PEX14: variants seen among roughly 807,000 people sequenced by gnomAD.
PEX14 encodes peroxisomal membrane protein PEX14.
A neutral mutation model predicts 49.5 loss-of-function variants in PEX14; 15 were observed. The ratio of observed to expected loss-of-function variants is 0.30; its 90% confidence interval spans 0.20 to 0.47. PEX14 has a LOEUF of 0.47. Ranked by LOEUF, PEX14 falls within the 20% of genes least tolerant of loss-of-function variation. PEX14 has a pLI of 1.00. For synonymous variants in PEX14, 210 were observed against 212.7 expected (o/e 0.99, Z 0.11); for missense variants, 398 against 494.8 (o/e 0.80, Z 1.86).
At chr1:10,479,908 G>C (rs1012532201) in intron 1 of PEX14, among the ~76,000 whole-genome samples, 1 of 152,196 alleles carries the variant, frequency 6.6e-6, no homozygotes, top group African/African-American at 2.4e-5. Context: ...GAGGCTGGAG[G>C]ATTGCTTGAG....
At chr1:10,608,489 C>T (rs183050503) in intron 4 of PEX14, among the ~76,000 whole-genome samples, 15 of 152,072 alleles carry the variant, frequency 9.9e-5, no homozygotes, top group African/African-American at 2.4e-4. Flanking sequence ...TGGTGAAACC[C>T]GGTCTCTACT....
chr1:10,477,796 T>C (rs535219960), intron 1 of PEX14, among the ~76,000 whole-genome samples: 1 of 152,340 alleles, frequency 6.6e-6, no homozygotes, highest in Non-Finnish European at 1.5e-5. Flanking sequence ...CAGATCTACT[T>C]AATTTTTCTA....
chr1:10,576,759 C>CT (rs374589674), intron 3 of PEX14, among the ~76,000 whole-genome samples: 37,983 of 139,526 alleles, frequency 0.27, 5,495 homozygotes, highest in Non-Finnish European at 0.33. Flanking sequence ...AATTGCTGTA[C>CT]TTTTTTTTTT....
chr1:10,630,354 G>C lies in PEX14; in HGVS notation c.*367G>C, dbSNP rs1000280519. The C allele has an allele frequency of 6.1e-6, 2 of 326,230 alleles. No individual in the cohort carries two copies. Among genetic ancestry groups the C allele is most frequent in the Non-Finnish European group, 1.2e-5 (2 of 172,986 alleles). The allele number at this position is 326,230 out of a possible 1,614,324, so 20.2% of individuals were successfully genotyped here. ...AGTGTCTTGACTACCGTGACACCAC[G>C]CATGGCCAGAGCTAGCGTCCCTACT... On this transcript the variant is annotated 3_prime_UTR_variant, in exon 9 of 9. Transcript: ENST00000356607. The surrounding 1 kb of genome is among the most constrained non-coding windows in gnomAD (Gnocchi z 4.1).
In PEX14 at chr1:10,565,986, C is replaced by T. The variant is rs557342015; in HGVS notation, c.169+29689C>T. 3.3e-5 allele frequency among the ~76,000 whole-genome samples: 5 copies of T among 152,336 alleles called. No homozygotes were observed. In the South Asian group the frequency reaches 8.3e-4, roughly 25 times the overall value. ...ATTTATTTACATGTCTGTCTATTTACTTACATCTCTCTAGTCCATCTGAAG... is the reference window on the plus strand; with the variant it reads ...ATTTATTTACATGTCTGTCTATTTATTTACATCTCTCTAGTCCATCTGAAG... On this transcript the variant is annotated intron_variant, in intron 3 of 8. Transcript: ENST00000356607.
chr1:10,606,227 T>C (rs1470989786), intron 4 of PEX14, among the ~76,000 whole-genome samples: 1 of 152,238 alleles, frequency 6.6e-6, no homozygotes, highest in African/African-American at 2.4e-5. Context: ...CTCACTGCTC[T>C]GCATTCCTGA....
chr1:10,550,782 A>C (rs995781767), intron 3 of PEX14, among the ~76,000 whole-genome samples: 2 of 152,380 alleles, frequency 1.3e-5, no homozygotes, highest in East Asian at 3.9e-4. Context: ...TTCAGGGTGT[A>C]GTCTGCGCCT....
chr1:10,482,301 G>A (rs1641294739), intron 1 of PEX14, among the ~76,000 whole-genome samples: 1 of 151,680 alleles, frequency 6.6e-6, no homozygotes, highest in Admixed American at 6.6e-5. Flanking sequence ...GCTAATTTTT[G>A]TGTTTTTAGT....
In PEX14 at chr1:10,598,393, G is replaced by A. The variant is rs1251928659; in HGVS notation, c.170-845G>A. ...CAGTGTCCCAAATTGGCTCAGACCC[G>A]GTGGAAATATCCCAGCTGTGTCCCC... On this transcript the variant is annotated intron_variant, in intron 3 of 8. Transcript: ENST00000356607. Among the ~76,000 whole-genome samples, 5 of 152,168 alleles carry A rather than the reference G, an allele frequency of 3.3e-5. No homozygotes were observed. In the East Asian group the frequency reaches 9.6e-4, roughly 29 times the overall value.
chr1:10,551,019 G>A (rs1016412099), intron 3 of PEX14, among the ~76,000 whole-genome samples: 2 of 152,128 alleles, frequency 1.3e-5, no homozygotes, highest in Non-Finnish European at 2.9e-5. Flanking sequence ...TGGCTCTAAA[G>A]TAAATGCCGT....
At chr1:10,595,194 T>A (rs2124595656) in intron 3 of PEX14, among the ~76,000 whole-genome samples, 1 of 152,322 alleles carries the variant, frequency 6.6e-6, no homozygotes, top group South Asian at 2.1e-4. Flanking sequence ...GCACATGGAA[T>A]CTTCATTCAA....
intron 4 of PEX14, among the ~76,000 whole-genome samples, chr1:10,608,141 T>C (rs1482600149): frequency 6.6e-6 from 1 of 152,128 alleles, no homozygotes; most frequent in East Asian, 1.9e-4. Context: ...CTAATTATTG[T>C]ATTTTGTGGA....
chr1:10,587,133 A>G (rs2124581019), intron 3 of PEX14, among the ~76,000 whole-genome samples: 1 of 152,224 alleles, frequency 6.6e-6, no homozygotes, highest in East Asian at 1.9e-4. Context: ...GCTTTTCTGT[A>G]TATATTCAAT....
chr1:10,593,749 AT>A (rs572763098), intron 3 of PEX14, among the ~76,000 whole-genome samples: 1 of 151,962 alleles, frequency 6.6e-6, no homozygotes, highest in Non-Finnish European at 1.5e-5. Context: ...GATATATAAT[AT>A]TTTTTTTGTT....
chr1:10,593,697 AG>A (rs1316933917), intron 3 of PEX14, among the ~76,000 whole-genome samples: 2 of 93,740 alleles, frequency 2.1e-5, no homozygotes, highest in African/African-American at 4.1e-5. Context: ...GGGCTGGGGG[AG>A]GGGATAAGAA....
At chr1:10,490,997 G>GT (rs148792563) in intron 1 of PEX14, among the ~76,000 whole-genome samples, 316 of 135,842 alleles carry the variant, frequency 2.3e-3, no homozygotes, top group Middle Eastern at 4.1e-3. Flanking sequence ...GCCCGGCCTT[G>GT]TTTTTTTTTT....
At chr1:10,478,646 A>G (rs1013708032) in intron 1 of PEX14, among the ~76,000 whole-genome samples, 1 of 152,088 alleles carries the variant, frequency 6.6e-6, no homozygotes, top group Admixed American at 6.6e-5. Context: ...TGGTGTGATC[A>G]TGGCTCACTG....
chr1:10,622,614 T>C (rs1641628218), intron 5 of PEX14, among the ~76,000 whole-genome samples: 1 of 152,200 alleles, frequency 6.6e-6, no homozygotes, highest in African/African-American at 2.4e-5. Flanking sequence ...CTGCCCCGCC[T>C]CCCTCGCCTC....
chr1:10,486,360 G>GTTT (rs201702205), intron 1 of PEX14, among the ~76,000 whole-genome samples: 1 of 124,128 alleles, frequency 8.1e-6, no homozygotes, highest in Non-Finnish European at 1.7e-5. Flanking sequence ...AGTTTGCTGA[G>GTTT]TTTTTTTTTT....
Sources: allele counts gnomAD v4.1 joint callset (sites outside exome capture counted in the v4.1 genomes callset), GRCh38; gene constraint gnomAD v4.1.1; non-coding constraint Gnocchi (gnomAD v3.1); transcripts MANE v1.5; gene names NCBI Gene and HGNC (gene_info 2026-07-23, HGNC 2026-07-21).